The following KCNJ3 variants were observed in gnomAD, a reference collection of about 807,000 sequenced individuals.
The protein encoded by KCNJ3 is potassium inwardly rectifying channel subfamily J member 3, also known as G protein-activated inward rectifier potassium channel 1.
KCNJ3 carries 4 observed loss-of-function variants against 39.2 expected under a neutral mutation model. The observed-to-expected ratio is 0.10, with a 90% CI of 0.05 to 0.23. The LOEUF is 0.23. Ranked by LOEUF, KCNJ3 falls within the 10% of genes least tolerant of loss-of-function variation. KCNJ3 has a pLI of 1.00. For synonymous variants in KCNJ3, 230 were observed against 237.4 expected (o/e 0.97, Z 0.29); for missense variants, 276 against 634.9 (o/e 0.43, Z 6.08).
At chr2:154,820,513 TG>T (rs1409577801) in intron 2 of KCNJ3, among the ~76,000 whole-genome samples, 20 of 152,122 alleles carry the variant, frequency 1.3e-4, no homozygotes, top group African/African-American at 4.6e-4. Flanking sequence ...GGTTGAAGGG[TG>T]AAGACGCTTG....
intron 2 of KCNJ3, among the ~76,000 whole-genome samples, chr2:154,710,929 G>A (rs1335406529): frequency 6.6e-6 from 1 of 151,964 alleles, no homozygotes; most frequent in African/African-American, 2.4e-5. Flanking sequence ...TGAAATTTAC[G>A]CAAGATATCT....
intron 2 of KCNJ3, among the ~76,000 whole-genome samples, chr2:154,801,461 GC>G (rs1686814951): frequency 1.3e-5 from 2 of 151,620 alleles, no homozygotes; most frequent in South Asian, 4.2e-4. Context: ...GGCCTGGAAG[GC>G]CCCCTTCCTC....
At chr2:154,775,998 A>G (rs544711372) in intron 2 of KCNJ3, among the ~76,000 whole-genome samples, 2 of 141,426 alleles carry the variant, frequency 1.4e-5, no homozygotes, top group Non-Finnish European at 3.1e-5. Flanking sequence ...ACTCAGGAGA[A>G]GTGATTCTTT....
rs1558866955 is a variant in KCNJ3 at position 154,760,731 on chromosome 2, T to TCTTC, written c.919+50912_919+50913insCTTC. Among the ~76,000 whole-genome samples the TCTTC allele has an allele frequency of 9.2e-5, 11 of 119,780 alleles. 2 individuals are homozygous for TCTTC. The highest frequency in any genetic ancestry group is 1.6e-4 in the African/African-American group (5 of 31,418). 78.6% of individuals were successfully genotyped at this position (119,780 alleles called of 152,430 possible). On this transcript the variant is annotated intron_variant, in intron 2 of 2. Coordinates refer to ENST00000295101, the MANE Select transcript of KCNJ3 (RefSeq NM_002239.4). ...AACACCCTGGCTATTTTTTTCTTTT[T>TCTTC]TTTCTTTTTTTTTTTTTTTTTTTGA...
At chr2:154,711,664 T>C (rs1023145248) in intron 2 of KCNJ3, among the ~76,000 whole-genome samples, 3 of 152,140 alleles carry the variant, frequency 2.0e-5, no homozygotes, top group Non-Finnish European at 4.4e-5. Flanking sequence ...TTGTAGAATA[T>C]CTCTCAATTT....
At chr2:154,798,170 A>G (rs1686752598) in intron 2 of KCNJ3, among the ~76,000 whole-genome samples, 1 of 149,036 alleles carries the variant, frequency 6.7e-6, no homozygotes, top group Non-Finnish European at 1.5e-5. Flanking sequence ...TACCACAAAT[A>G]CCCATCATTC....
chr2:154,755,759 T>C (rs1190463328), intron 2 of KCNJ3, among the ~76,000 whole-genome samples: 1 of 152,002 alleles, frequency 6.6e-6, no homozygotes, highest in Non-Finnish European at 1.5e-5. Flanking sequence ...AATGAAGTTA[T>C]ACAAAAGGAA....
At chr2:154,736,374 TAAAAA>T (rs70983745) in intron 2 of KCNJ3, among the ~76,000 whole-genome samples, 23 of 93,218 alleles carry the variant, frequency 2.5e-4, no homozygotes, top group Admixed American at 6.5e-4. Flanking sequence ...TCACTAGTTC[TAAAAA>T]AAAAAAAAAA....
chr2:154,769,537 C>T (rs1298661124), intron 2 of KCNJ3, among the ~76,000 whole-genome samples: 1 of 152,116 alleles, frequency 6.6e-6, no homozygotes, highest in African/African-American at 2.4e-5. Flanking sequence ...CGGATGAAGC[C>T]CACTTGATCA....
At chr2:154,727,151 A>C (rs1390080173) in intron 2 of KCNJ3, among the ~76,000 whole-genome samples, 1 of 152,100 alleles carries the variant, frequency 6.6e-6, no homozygotes, top group Admixed American at 6.5e-5. Flanking sequence ...CTGTTCAAAA[A>C]CGTATGGAAA....
intron 2 of KCNJ3, among the ~76,000 whole-genome samples, chr2:154,809,816 G>A (rs1686976899): frequency 6.6e-6 from 1 of 151,950 alleles, no homozygotes; most frequent in African/African-American, 2.4e-5. Context: ...TTATACCTGT[G>A]TGTGAATATT....
intron 2 of KCNJ3, among the ~76,000 whole-genome samples, chr2:154,807,862 G>A (rs1228665161): frequency 1.3e-5 from 2 of 152,066 alleles, no homozygotes; most frequent in African/African-American, 2.4e-5. Flanking sequence ...GGGTGGCTCT[G>A]AAAGACAAAA....
chr2:154,756,442 T>A (rs1685937407), intron 2 of KCNJ3, among the ~76,000 whole-genome samples: 2 of 152,154 alleles, frequency 1.3e-5, no homozygotes, highest in African/African-American at 4.8e-5. Flanking sequence ...TAACTGGTGC[T>A]ATGAGTAATA....
intron 2 of KCNJ3, among the ~76,000 whole-genome samples, chr2:154,831,256 C>T (rs1259178623): frequency 6.6e-6 from 1 of 152,092 alleles, no homozygotes; most frequent in Non-Finnish European, 1.5e-5. Flanking sequence ...TACAGTTTCC[C>T]TTCAATATAC....
At chr2:154,846,437 G>T (rs192320006) in intron 2 of KCNJ3, among the ~76,000 whole-genome samples, 17 of 152,026 alleles carry the variant, frequency 1.1e-4, no homozygotes, top group Admixed American at 7.2e-4. Flanking sequence ...AATATAGTAG[G>T]CCCATAAATA....
intron 2 of KCNJ3, among the ~76,000 whole-genome samples, chr2:154,775,414 A>C (rs533553107): frequency 3.3e-5 from 5 of 152,170 alleles, no homozygotes; most frequent in Non-Finnish European, 4.4e-5. Flanking sequence ...TAAACCACTC[A>C]TCTATATTAT....
chr2:154,839,986 G>A (rs1301522946), intron 2 of KCNJ3, among the ~76,000 whole-genome samples: 1 of 152,150 alleles, frequency 6.6e-6, no homozygotes, highest in Non-Finnish European at 1.5e-5. Flanking sequence ...ATTGCTTTTG[G>A]TGTTTTAGTC....
At chr2:154,728,081 C>G (rs560649182) in intron 2 of KCNJ3, among the ~76,000 whole-genome samples, 20 of 151,906 alleles carry the variant, frequency 1.3e-4, no homozygotes, top group African/African-American at 4.8e-4. Context: ...CCCTGTTATT[C>G]TTATTAGTAT....
At chr2:154,779,252 G>A (rs928132411) in intron 2 of KCNJ3, among the ~76,000 whole-genome samples, 2 of 151,702 alleles carry the variant, frequency 1.3e-5, no homozygotes, top group African/African-American at 2.4e-5. Flanking sequence ...TAGCCCAGAA[G>A]TGATTTCTGC....
Sources: gnomAD v4.1 joint callset for allele counts (sites outside exome capture counted in the v4.1 genomes callset) on GRCh38, gnomAD v4.1.1 for gene constraint, MANE v1.5 for transcripts, NCBI Gene and HGNC (gene_info 2026-07-23, HGNC 2026-07-21) for gene names.